The following KIAA1549L variants were observed in gnomAD, a reference collection of about 807,000 sequenced individuals.
The protein encoded by KIAA1549L is UPF0606 protein KIAA1549L.
A neutral mutation model predicts 160.7 loss-of-function variants in KIAA1549L; 88 were observed. The ratio of observed to expected loss-of-function variants is 0.55; its 90% CI spans 0.46 to 0.65. The LOEUF (loss-of-function observed/expected upper bound fraction) is 0.65. KIAA1549L is among the 30% of genes least tolerant of loss of function. The pLI is 0.00. For synonymous variants in KIAA1549L, 950 were observed against 976.7 expected, an observed-to-expected ratio of 0.97 and a Z score of 0.51; for missense variants, 2,258 against 2,437.5, an observed-to-expected ratio of 0.93 and a Z score of 1.55.
chr11:33,441,709 A>G (rs1482001575), intron 1 of KIAA1549L, among the ~76,000 whole-genome samples: 2 of 152,158 alleles, frequency 1.3e-5, no homozygotes, highest in Non-Finnish European at 2.9e-5. Flanking sequence ...TTGGCTGCAT[A>G]AATGTCGTCT....
At chr11:33,660,031 G>A (rs1392166003) in intron 19 of KIAA1549L, among the ~76,000 whole-genome samples, 3 of 152,332 alleles carry the variant, frequency 2.0e-5, no homozygotes, top group Non-Finnish European at 4.4e-5. Context: ...CCTAGTGGGC[G>A]GGGTGCTGGC....
chr11:33,442,608 T>C (rs183428814), intron 1 of KIAA1549L, among the ~76,000 whole-genome samples: 1 of 152,368 alleles, frequency 6.6e-6, no homozygotes, highest in South Asian at 2.1e-4. Context: ...TTTTGCTTTC[T>C]TCAGTTTCAC....
chr11:33,538,947 C>G (rs1012893395), intron 1 of KIAA1549L, among the ~76,000 whole-genome samples: 3 of 152,190 alleles, frequency 2.0e-5, no homozygotes, highest in Non-Finnish European at 4.4e-5. Flanking sequence ...GTGCCCCCGT[C>G]CTGTTCCTGT....
chr11:33,660,073 A>G (rs990000184), intron 19 of KIAA1549L, among the ~76,000 whole-genome samples: 1 of 152,194 alleles, frequency 6.6e-6, no homozygotes, highest in African/African-American at 2.4e-5. Flanking sequence ...AGGGGATGAG[A>G]AAAAGGGAAA....
In KIAA1549L at chr11:33,645,775, G is replaced by T; in HGVS notation, c.5499G>T (p.Ser1833=). 6.2e-7 allele frequency: 1 copy of T among 1,613,882 alleles called. No individual in the cohort carries two copies. Among genetic ancestry groups the T allele is most frequent in the Admixed American group, 1.7e-5 (1 of 60,024 alleles). The change falls in exon 17 of 21, where the codon TCG becomes TCT. Residue 1833 remains serine (S), a synonymous_variant. Transcript: ENST00000658780. ...GGTCTCGACAGGTGAAAGGCCACTC[G>T]GAGACCTCCACACTGAGCTCCCAGC... ...YSRSRQVKGH[S]ETSTLSSQPS... is the part of the protein sequence containing the mutation.
chr11:33,439,568 A>C (rs1275500053), intron 1 of KIAA1549L, among the ~76,000 whole-genome samples: 1 of 119,782 alleles, frequency 8.3e-6, no homozygotes, highest in Non-Finnish European at 1.7e-5. Flanking sequence ...ATGCCCGGCT[A>C]ATTTTTTTTT....
chr11:33,596,344 G>C (rs1214197908), intron 12 of KIAA1549L, among the ~76,000 whole-genome samples: 1 of 152,192 alleles, frequency 6.6e-6, no homozygotes, highest in Non-Finnish European at 1.5e-5. Flanking sequence ...GTTGGGTTTT[G>C]CTACAGAAAT....
Position 33,441,382 on chromosome 11 carries a change from T to C in KIAA1549L, c.238+64493T>C, listed in dbSNP as rs1262916995. 9.3e-3 allele frequency among the ~76,000 whole-genome samples: 1,407 copies of C among 151,766 alleles called. 21 individuals are homozygous for C. The highest frequency in any genetic ancestry group is 0.031 in the African/African-American group (1,271 of 41,304). The stretch of plus-strand genomic sequence containing the variant: ...TGTGAATAGTGCCGCAATAAACATA[T>C]GTGTGCATGTGTCTTTATAGCAGCA... On this transcript the variant is annotated intron_variant, in intron 1 of 20. Transcript: ENST00000658780.
chr11:33,479,757 A>G (rs1565153149), intron 1 of KIAA1549L, among the ~76,000 whole-genome samples: 1 of 152,182 alleles, frequency 6.6e-6, no homozygotes, highest in Non-Finnish European at 1.5e-5. Context: ...TTGGGAGGGA[A>G]AACAGGAGCC....
chr11:33,425,299 ACTCTTGGTT>A lies in KIAA1549L; in HGVS notation c.238+48420_238+48428del, dbSNP rs373495421. 8.6e-3 allele frequency among the ~76,000 whole-genome samples: 1,308 copies of A among 152,070 alleles called. 20 individuals carry two copies. Among genetic ancestry groups the A allele is most frequent in the African/African-American group, 0.029 (1,195 of 41,458 alleles). ...ATTTTAAAATTTTGTCAATTAGAGGACTCTTGGTTCTCTTGGTTGACTCATTCTCTGCTG... is the reference window on the plus strand; with the variant it reads ...ATTTTAAAATTTTGTCAATTAGAGGACTCTTGGTTGACTCATTCTCTGCTG... On this transcript the variant is annotated intron_variant, in intron 1 of 20. Transcript: ENST00000658780.
At chr11:33,411,977 G>A (rs944651577) in intron 1 of KIAA1549L, among the ~76,000 whole-genome samples, 1 of 152,190 alleles carries the variant, frequency 6.6e-6, no homozygotes, top group African/African-American at 2.4e-5. Context: ...AGGATGTCTT[G>A]TACTTTCTGA....
At chr11:33,635,074 T>C (rs1452798931) in intron 16 of KIAA1549L, among the ~76,000 whole-genome samples, 1 of 152,200 alleles carries the variant, frequency 6.6e-6, no homozygotes, top group Non-Finnish European at 1.5e-5. Context: ...TGCAGGCTTA[T>C]GGGAAACTGC....
chr11:33,536,465 G>A (rs561206967), intron 1 of KIAA1549L, among the ~76,000 whole-genome samples: 7 of 152,308 alleles, frequency 4.6e-5, no homozygotes, highest in African/African-American at 7.2e-5. Context: ...GCCTCTCCAC[G>A]TGGTGTGGGC....
intron 1 of KIAA1549L, among the ~76,000 whole-genome samples, chr11:33,385,069 T>C (rs1432353361): frequency 6.6e-6 from 1 of 152,176 alleles, no homozygotes; most frequent in Non-Finnish European, 1.5e-5. Context: ...GTCACAAATA[T>C]CTATGATTTC....
intron 9 of KIAA1549L, among the ~76,000 whole-genome samples, chr11:33,569,077 C>A (rs888270329): frequency 6.6e-6 from 1 of 152,206 alleles, no homozygotes; most frequent in Non-Finnish European, 1.5e-5. Flanking sequence ...CCTCCTCACC[C>A]TCCTGCCAGT....
intron 16 of KIAA1549L, among the ~76,000 whole-genome samples, chr11:33,629,482 C>T (rs570155014): frequency 2.0e-5 from 3 of 152,002 alleles, no homozygotes; most frequent in South Asian, 2.1e-4. Flanking sequence ...AGGCTTTGCT[C>T]GTTTCTTTTT....
At chr11:33,665,949 A>T (rs867957567) in intron 20 of KIAA1549L, among the ~76,000 whole-genome samples, 1 of 151,814 alleles carries the variant, frequency 6.6e-6, no homozygotes, top group Non-Finnish European at 1.5e-5. Context: ...GCACCCAGGG[A>T]GCTCCAGACC....
intron 1 of KIAA1549L, among the ~76,000 whole-genome samples, chr11:33,496,379 G>A (rs553752029): frequency 9.2e-5 from 14 of 152,170 alleles, no homozygotes; most frequent in East Asian, 1.9e-4. Flanking sequence ...TTCTGGGTGC[G>A]AAGTCACTGG....
rs774883142 is a variant in KIAA1549L, at chr11:33,668,121, A to G, written c.6408A>G (p.Lys2136=). The G allele has an allele frequency of 6.2e-6, 10 of 1,613,902 alleles. No individual in the cohort carries two copies. The highest frequency in any genetic ancestry group is 5.9e-6 in the Non-Finnish European group (7 of 1,179,858). The change falls in exon 21 of 21, where the codon AAA becomes AAG. Residue 2136 remains lysine, a synonymous_variant. Coordinates refer to ENST00000658780, the MANE Select transcript of KIAA1549L (RefSeq NM_012194.3). ...AIREEVAKLA[K]KQTDMFEFQV ...GGGAGGAGGTGGCCAAGCTGGCCAAAAAACAGACAGACATGTTTGAGTTCC... is the reference window on the plus strand; with the variant it reads ...GGGAGGAGGTGGCCAAGCTGGCCAAGAAACAGACAGACATGTTTGAGTTCC...
Sources: gnomAD v4.1 joint callset for allele counts (sites outside exome capture counted in the v4.1 genomes callset) on GRCh38, gnomAD v4.1.1 for gene constraint, MANE v1.5 for transcripts, NCBI Gene and HGNC (gene_info 2026-07-23, HGNC 2026-07-21) for gene names.